ULK4: variants seen among roughly 807,000 people sequenced by gnomAD.
The protein encoded by ULK4 is unc-51 like kinase 4.
A neutral mutation model predicts 160.6 loss-of-function variants in ULK4; 133 were observed. That is an observed-to-expected ratio of 0.83 (90% CI 0.72 to 0.96). ULK4 has a LOEUF of 0.96. ULK4 is among the 40% of genes least tolerant of loss of function. ULK4 has a pLI of 0.00. For missense variants in ULK4, 1,580 were observed against 1,499.5 expected (o/e 1.05, Z -0.89); for synonymous variants, 534 against 539.8 (o/e 0.99, Z 0.15).
Position 41,364,111 on chromosome 3 carries a change from T to C in ULK4, c.3678+33968A>G, listed in dbSNP as rs550808351. ...CACCCTCAGCTAATTTAAAAATATA[T>C]ATTTTTTGTAGAGACAAGGTCTCAA... On this transcript the variant is annotated intron_variant, in intron 35 of 36. Transcript: ENST00000301831. Among the ~76,000 whole-genome samples the C allele has an allele frequency of 4.6e-5, 7 of 152,320 alleles. No homozygotes were observed. In the East Asian group the frequency reaches 1.2e-3, roughly 25 times the overall value.
In ULK4 at chr3:41,368,859, CTG is replaced by C. The variant is rs368806271; in HGVS notation, c.3678+29218_3678+29219del. ...TGTTGTTATGAAATTCATGTATAAA[CTG>C]TATTGCTTTTGTAATTAAAAAAATA... is the stretch of plus-strand genomic sequence containing the variant. On this transcript the variant is annotated intron_variant, in intron 35 of 36. Transcript: ENST00000301831. 3.0e-4 allele frequency among the ~76,000 whole-genome samples: 45 copies of C among 152,174 alleles called. No homozygotes were observed. The East Asian group carries it at 8.5e-3, about 29-fold the overall frequency.
intron 32 of ULK4, among the ~76,000 whole-genome samples, chr3:41,491,456 A>T (rs1390509821): frequency 6.6e-6 from 1 of 152,100 alleles, no homozygotes; most frequent in African/African-American, 2.4e-5. Flanking sequence ...CATAAGTAGA[A>T]AAATGAAAGG....
intron 34 of ULK4, among the ~76,000 whole-genome samples, chr3:41,444,162 G>A (rs985739526): frequency 2.0e-5 from 3 of 152,084 alleles, no homozygotes; most frequent in African/African-American, 7.2e-5. Flanking sequence ...CCCACAGCCA[G>A]CTTCCAACTT....
chr3:41,436,482 T>A (rs1391256086), intron 34 of ULK4, among the ~76,000 whole-genome samples: 1 of 152,200 alleles, frequency 6.6e-6, no homozygotes, highest in Non-Finnish European at 1.5e-5. Context: ...ATCTCTTGGG[T>A]GAATTTTTAA....
intron 21 of ULK4, among the ~76,000 whole-genome samples, chr3:41,786,421 C>A (rs967280912): frequency 2.0e-5 from 3 of 151,732 alleles, no homozygotes; most frequent in Non-Finnish European, 4.4e-5. Context: ...GGCAACATAG[C>A]AAGACCCCAT....
intron 30 of ULK4, among the ~76,000 whole-genome samples, chr3:41,643,707 A>G (rs2034345840): frequency 6.6e-6 from 1 of 152,084 alleles, no homozygotes; most frequent in African/African-American, 2.4e-5. Flanking sequence ...ACTTGAAAGC[A>G]GTTTTTTCCA....
intron 32 of ULK4, 21 bp downstream of exon 32, chr3:41,566,004 G>A (rs955062876): frequency 3.1e-5 from 49 of 1,587,792 alleles, no homozygotes; most frequent in Non-Finnish European, 3.8e-5. Flanking sequence ...TGATCAGAGA[G>A]TAATTCTATG....
chr3:41,504,042 T>C (rs1037250285), intron 32 of ULK4, among the ~76,000 whole-genome samples: 5 of 152,140 alleles, frequency 3.3e-5, no homozygotes, highest in African/African-American at 1.2e-4. Context: ...GAGAGAAATA[T>C]TAGAAATTTT....
At chr3:41,891,506 G>T (rs572345906) in intron 16 of ULK4, among the ~76,000 whole-genome samples, 3 of 151,224 alleles carry the variant, frequency 2.0e-5, no homozygotes, top group Non-Finnish European at 4.4e-5. Context: ...AAAAGGTAAG[G>T]TTTACCCACA....
chr3:41,711,139 C>T (rs547233623), intron 25 of ULK4, among the ~76,000 whole-genome samples: 1 of 152,248 alleles, frequency 6.6e-6, no homozygotes, highest in South Asian at 2.1e-4. Flanking sequence ...TATCAAATTC[C>T]CCACCAATGA....
At chr3:41,301,681 A>G (rs952811492) in intron 35 of ULK4, among the ~76,000 whole-genome samples, 1 of 152,216 alleles carries the variant, frequency 6.6e-6, no homozygotes, top group African/African-American at 2.4e-5. Flanking sequence ...CTATTAATAC[A>G]ATGAAGAAAC....
chr3:41,449,396 A>G (rs910518807), intron 34 of ULK4, among the ~76,000 whole-genome samples: 8 of 152,176 alleles, frequency 5.3e-5, no homozygotes, highest in African/African-American at 1.9e-4. Flanking sequence ...CTTATGGCGT[A>G]TCCAGTGGAA....
At chr3:41,928,678 T>C (rs1699475060) in intron 5 of ULK4, among the ~76,000 whole-genome samples, 1 of 150,614 alleles carries the variant, frequency 6.6e-6, no homozygotes, top group Non-Finnish European at 1.5e-5. Context: ...CCCACAGAAA[T>C]ACAAAGGAAC....
At chr3:41,782,506 G>A (rs1192563095) in intron 21 of ULK4, among the ~76,000 whole-genome samples, 2 of 152,136 alleles carry the variant, frequency 1.3e-5, no homozygotes, top group Admixed American at 6.6e-5. Flanking sequence ...AGTTTACTAT[G>A]TGACCTCTAA....
chr3:41,417,949 G>A (rs942458344), intron 34 of ULK4, among the ~76,000 whole-genome samples: 1 of 152,182 alleles, frequency 6.6e-6, no homozygotes, highest in Non-Finnish European at 1.5e-5. Context: ...AAAAGCAGGA[G>A]ATGAAATTCC....
chr3:41,901,169 CTTCTTT>C (rs1698338846), intron 12 of ULK4, among the ~76,000 whole-genome samples: 1 of 95,744 alleles, frequency 1.0e-5, no homozygotes, highest in Non-Finnish European at 2.2e-5. Context: ...AACAGCATGG[CTTCTTT>C]TTTTTTTTTT....
At chr3:41,532,967 G>A (rs1044901636) in intron 32 of ULK4, among the ~76,000 whole-genome samples, 1 of 152,198 alleles carries the variant, frequency 6.6e-6, no homozygotes, top group Non-Finnish European at 1.5e-5. Flanking sequence ...AAAATGTGAT[G>A]AAATTAACAT....
rs2039627543 is a variant in ULK4 at position 41,776,467 on chromosome 3, CTAAT to C, written c.2193+13190_2193+13193del. ...TAACACTCAAATGTCAACAAAAAAA[CTAAT>C]TGAATAAAAATGTGGTACAGTCACA... On this transcript the variant is annotated intron_variant, in intron 21 of 36. Coordinates refer to ENST00000301831, the MANE Select transcript of ULK4 (RefSeq NM_017886.4). Among the ~76,000 whole-genome samples the C allele has an allele frequency of 4.7e-5, 7 of 150,184 alleles. No individual in the cohort carries two copies. In the South Asian group the frequency reaches 1.5e-3, roughly 31 times the overall value.
At chr3:41,802,923 T>C (rs1165404745) in intron 19 of ULK4, among the ~76,000 whole-genome samples, 1 of 152,086 alleles carries the variant, frequency 6.6e-6, no homozygotes, top group Middle Eastern at 3.2e-3. Flanking sequence ...TCCCAGCACT[T>C]TGGGAGGCCG....
Sources: allele counts gnomAD v4.1 joint callset (sites outside exome capture counted in the v4.1 genomes callset), GRCh38; gene constraint gnomAD v4.1.1; transcripts MANE v1.5; gene names NCBI Gene and HGNC (gene_info 2026-07-23, HGNC 2026-07-21).